Variants in ZBTB20 observed in about 807,000 individuals in gnomAD.
ZBTB20 encodes the protein zinc finger and BTB domain-containing protein 20.
A neutral mutation model predicts 56.9 loss-of-function variants in ZBTB20; 9 were observed. The observed-to-expected ratio is 0.16, with a 90% CI of 0.10 to 0.28. The LOEUF is 0.28. Among genes scored for constraint, ZBTB20 ranks in the 10% least tolerant of loss-of-function variants. ZBTB20 has a pLI of 1.00. For missense variants in ZBTB20, 655 were observed against 1,003.0 expected (o/e 0.65, Z 4.69); for synonymous variants, 417 against 420.7 (o/e 0.99, Z 0.11).
chr3:114,360,407 G>A (rs1041925796), intron 10 of ZBTB20, among the ~76,000 whole-genome samples: 2 of 148,942 alleles, frequency 1.3e-5, no homozygotes, highest in African/African-American at 2.5e-5. Context: ...GCAGTGGCGC[G>A]ATCTCCAGCT....
rs2079014639 is a variant in ZBTB20, at chr3:114,324,946, A to G, written c.*14059T>C. ...CAAGAGAATCAAAGTGTAGTTTAAAATAGATTGTGGGAAAGGAATTAAGCA... is the reference window on the plus strand; with the variant it reads ...CAAGAGAATCAAAGTGTAGTTTAAAGTAGATTGTGGGAAAGGAATTAAGCA... On this transcript the variant is annotated 3_prime_UTR_variant, in exon 12 of 12. Transcript: ENST00000675478. The G allele has an allele frequency of 6.6e-6, 1 of 152,152 alleles. No homozygotes were observed. The highest frequency in any genetic ancestry group is 2.4e-5 in the African/African-American group (1 of 41,440). 9.4% of individuals were successfully genotyped at this position (152,152 alleles called of 1,614,324 possible).
At chr3:114,635,318 T>C (rs1026545433) in intron 6 of ZBTB20, among the ~76,000 whole-genome samples, 1 of 152,082 alleles carries the variant, frequency 6.6e-6, no homozygotes. Flanking sequence ...TTAAGCACCA[T>C]GAACTGGTAA....
Position 114,972,628 on chromosome 3 carries a change from A to G in ZBTB20, c.-456+1738T>C, listed in dbSNP as rs554387141. ...AAGTTACCACTCTTCACTTGTCTTCAGGTCTTTTAATGTAATCTCAGGAAA... is the reference window on the plus strand; with the variant it reads ...AAGTTACCACTCTTCACTTGTCTTCGGGTCTTTTAATGTAATCTCAGGAAA... On this transcript the variant is annotated intron_variant, in intron 3 of 11. Transcript: ENST00000675478. Among the ~76,000 whole-genome samples, 125 of 152,314 alleles carry G rather than the reference A, an allele frequency of 8.2e-4. 1 individual carries two copies. Among genetic ancestry groups the G allele is most frequent in the Middle Eastern group, 3.4e-3 (1 of 292 alleles).
intron 6 of ZBTB20, among the ~76,000 whole-genome samples, chr3:114,556,979 A>G (rs1036336566): frequency 3.9e-5 from 6 of 152,038 alleles, no homozygotes; most frequent in Non-Finnish European, 5.9e-5. Flanking sequence ...AATCCAATTC[A>G]AGACTGCATA....
At chr3:114,677,960 T>C (rs1040499029) in intron 6 of ZBTB20, among the ~76,000 whole-genome samples, 11 of 152,170 alleles carry the variant, frequency 7.2e-5, no homozygotes, top group Middle Eastern at 3.2e-3. Flanking sequence ...AGGAACTGTT[T>C]TAATTATATT....
chr3:114,437,374 G>A (rs2090590268), intron 7 of ZBTB20, among the ~76,000 whole-genome samples: 1 of 152,124 alleles, frequency 6.6e-6, no homozygotes, highest in African/African-American at 2.4e-5. Context: ...TGAGGTGAGA[G>A]TAGCTTAATC....
chr3:114,533,069 C>G (rs1157503171), intron 6 of ZBTB20, among the ~76,000 whole-genome samples: 1 of 151,848 alleles, frequency 6.6e-6, no homozygotes, highest in Admixed American at 6.6e-5. Context: ...TCCAAAAACC[C>G]GAATGTCGTT....
intron 11 of ZBTB20, among the ~76,000 whole-genome samples, chr3:114,348,270 G>A (rs1300961196): frequency 1.3e-5 from 2 of 152,064 alleles, no homozygotes; most frequent in African/African-American, 4.8e-5. Context: ...TTTCACAGAT[G>A]GTCCTTCCTG....
chr3:114,765,707 A>G (rs1331206058), intron 5 of ZBTB20, among the ~76,000 whole-genome samples: 3 of 152,236 alleles, frequency 2.0e-5, no homozygotes, highest in Non-Finnish European at 4.4e-5. Context: ...AGTTCAGAAT[A>G]TATTGTTTAA....
chr3:114,951,843 G>A (rs938813745), intron 3 of ZBTB20, among the ~76,000 whole-genome samples: 1 of 152,024 alleles, frequency 6.6e-6, no homozygotes, highest in East Asian at 1.9e-4. Context: ...TGTTGGAATT[G>A]TTTGACAAAA....
intron 2 of ZBTB20, among the ~76,000 whole-genome samples, chr3:115,061,525 T>C (rs1267778388): frequency 6.6e-6 from 1 of 152,212 alleles, no homozygotes; most frequent in Non-Finnish European, 1.5e-5. Flanking sequence ...TCTTCTAATT[T>C]GAAGATTATT....
chr3:115,122,866 G>T (rs1331945100), intron 1 of ZBTB20, among the ~76,000 whole-genome samples: 5 of 151,912 alleles, frequency 3.3e-5, no homozygotes, highest in Non-Finnish European at 7.4e-5. Flanking sequence ...ACCAACTACT[G>T]CTCACTCCTC....
intron 6 of ZBTB20, among the ~76,000 whole-genome samples, chr3:114,631,763 C>T (rs2058968927): frequency 6.6e-6 from 1 of 152,050 alleles, no homozygotes; most frequent in Non-Finnish European, 1.5e-5. Context: ...CTATATTGTT[C>T]TACTCTTAAT....
At chr3:114,548,334 A>G (rs2050143838) in intron 6 of ZBTB20, among the ~76,000 whole-genome samples, 1 of 152,148 alleles carries the variant, frequency 6.6e-6, no homozygotes, top group African/African-American at 2.4e-5. Context: ...ACCTACAGGG[A>G]GTTGACCTTC....
At chr3:114,816,559 A>G (rs970982072) in intron 4 of ZBTB20, among the ~76,000 whole-genome samples, 3 of 152,164 alleles carry the variant, frequency 2.0e-5, no homozygotes, top group Non-Finnish European at 4.4e-5. Context: ...TTAAGACTAA[A>G]CCTTAGAATA....
intron 7 of ZBTB20, among the ~76,000 whole-genome samples, chr3:114,492,606 T>C (rs1360597956): frequency 6.6e-6 from 1 of 152,246 alleles, no homozygotes; most frequent in Non-Finnish European, 1.5e-5. Flanking sequence ...TGTGGTCTAC[T>C]GGAATAGCTC....
intron 6 of ZBTB20, among the ~76,000 whole-genome samples, chr3:114,543,774 G>A (rs2049397353): frequency 6.6e-6 from 1 of 152,174 alleles, no homozygotes; most frequent in African/African-American, 2.4e-5. Context: ...TCATAAAAAT[G>A]AAGAACGCAT....
chr3:115,071,915 T>C (rs1384620708), intron 1 of ZBTB20, among the ~76,000 whole-genome samples: 2 of 152,122 alleles, frequency 1.3e-5, no homozygotes, highest in Admixed American at 1.3e-4. Flanking sequence ...GGGTTTAGCT[T>C]GCAGCTGGTC....
At chr3:114,477,785 G>A (rs1289082919) in intron 7 of ZBTB20, among the ~76,000 whole-genome samples, 2 of 150,336 alleles carry the variant, frequency 1.3e-5, no homozygotes, top group East Asian at 2.0e-4. Context: ...ATGAGCCACC[G>A]CGCCCGGTCC....
Sources: allele counts gnomAD v4.1 joint callset (sites outside exome capture counted in the v4.1 genomes callset), GRCh38; gene constraint gnomAD v4.1.1; transcripts MANE v1.5; gene names NCBI Gene and HGNC (gene_info 2026-07-23, HGNC 2026-07-21).